Variants in DPH6 observed in about 807,000 individuals in gnomAD.
DPH6 encodes the protein diphthine--ammonia ligase.
A neutral mutation model predicts 38.2 loss-of-function variants in DPH6; 33 were observed. The ratio of observed to expected loss-of-function variants is 0.86; its 90% CI spans 0.65 to 1.15. DPH6 has a LOEUF of 1.15. DPH6 is among the 50% of genes most tolerant of loss of function. The pLI is 0.00. For missense variants in DPH6, 325 were observed against 320.0 expected, an observed-to-expected ratio of 1.02 and a Z score of -0.12; for synonymous variants, 108 against 103.0, an observed-to-expected ratio of 1.05 and a Z score of -0.30.
intron 3 of DPH6, among the ~76,000 whole-genome samples, chr15:35,472,544 C>G (rs553495856): frequency 1.2e-4 from 19 of 152,220 alleles, no homozygotes; most frequent in Admixed American, 1.3e-4. Context: ...TTTAAGCTGA[C>G]TAAGCCCTCC....
chr15:35,545,932 A>T (rs1183236322), intron 1 of DPH6, among the ~76,000 whole-genome samples, 187 bp downstream of exon 1: 1 of 152,196 alleles, frequency 6.6e-6, no homozygotes, highest in Non-Finnish European at 1.5e-5. Context: ...GAGGCGCGCC[A>T]GCCAGGGGCC....
chr15:35,242,251 T>A (rs1024004586), intron 3 of DPH6, among the ~76,000 whole-genome samples: 4 of 143,078 alleles, frequency 2.8e-5, no homozygotes, highest in Non-Finnish European at 6.1e-5. Context: ...GCTGATCGTG[T>A]CCAGCTGATC....
chr15:35,191,587 C>T, the DPH6 span, among the ~76,000 whole-genome samples: 1 of 152,128 alleles, frequency 6.6e-6, no homozygotes, highest in Non-Finnish European at 1.5e-5. Context: ...CCTATGAAGC[C>T]CTTCCTGACA....
intron 3 of DPH6, among the ~76,000 whole-genome samples, chr15:35,265,554 C>T (rs961018891): frequency 6.6e-6 from 1 of 152,170 alleles, no homozygotes; most frequent in African/African-American, 2.4e-5. Context: ...TGCAAGAGTC[C>T]TCCTCTGCTA....
At chr15:35,210,147 T>A in the DPH6 span, among the ~76,000 whole-genome samples, 1 of 152,118 alleles carries the variant, frequency 6.6e-6, no homozygotes, top group South Asian at 2.1e-4. Flanking sequence ...CCAGGGCAAT[T>A]TGCCCAGTAA....
At chr15:35,472,124 A>G (rs1366246175) in intron 3 of DPH6, among the ~76,000 whole-genome samples, 3 of 152,214 alleles carry the variant, frequency 2.0e-5, no homozygotes, top group Non-Finnish European at 4.4e-5. Flanking sequence ...AATAAAGTTG[A>G]ACTTTATAAG....
the DPH6 span, among the ~76,000 whole-genome samples, chr15:35,208,206 G>A: frequency 6.6e-6 from 1 of 152,134 alleles, no homozygotes; most frequent in East Asian, 1.9e-4. Context: ...AGTCCCTGGA[G>A]GTGGTGGCGG....
the DPH6 span, among the ~76,000 whole-genome samples, chr15:35,188,927 G>A: frequency 4.6e-5 from 7 of 151,934 alleles, no homozygotes; most frequent in African/African-American, 7.3e-5. Flanking sequence ...AAGAACTATT[G>A]CCCTGGTATT....
intron 3 of DPH6, among the ~76,000 whole-genome samples, chr15:35,233,328 G>A (rs1305552069): frequency 6.6e-6 from 1 of 152,026 alleles, no homozygotes; most frequent in Non-Finnish European, 1.5e-5. Flanking sequence ...ATAAATAAAT[G>A]AAGGGGTACT....
chr15:35,228,441 T>C (rs1263538063), intron 3 of DPH6, among the ~76,000 whole-genome samples: 3 of 152,300 alleles, frequency 2.0e-5, no homozygotes, highest in Non-Finnish European at 4.4e-5. Flanking sequence ...TTGTTTTGTT[T>C]TGTTTGGAGA....
At chr15:35,186,934 G>A in the DPH6 span, among the ~76,000 whole-genome samples, 1 of 152,132 alleles carries the variant, frequency 6.6e-6, no homozygotes, top group Admixed American at 6.6e-5. Context: ...AAAATGTAAA[G>A]AATAGTATGA....
chr15:35,492,461 T>G (rs1443139861), intron 3 of DPH6, among the ~76,000 whole-genome samples: 1 of 152,146 alleles, frequency 6.6e-6, no homozygotes, highest in Middle Eastern at 3.2e-3. Flanking sequence ...ATCATATAAG[T>G]GCTAGAAGGT....
the DPH6 span, among the ~76,000 whole-genome samples, chr15:35,184,044 A>T: frequency 6.6e-6 from 1 of 152,258 alleles, no homozygotes; most frequent in Non-Finnish European, 1.5e-5. Flanking sequence ...GACATAATTT[A>T]TTCAGAAAAA....
chr15:35,308,436 C>T (rs954692489), intron 3 of DPH6, among the ~76,000 whole-genome samples: 1 of 151,964 alleles, frequency 6.6e-6, no homozygotes, highest in African/African-American at 2.4e-5. Flanking sequence ...AAGTAACCCT[C>T]CCAAAACAAG....
chr15:35,369,592 CAAGAA>C, downstream of DPH6, among the ~76,000 whole-genome samples: 5 of 133,730 alleles, frequency 3.7e-5, no homozygotes, highest in Admixed American at 3.9e-4. Flanking sequence ...GAATTCACAC[CAAGAA>C]TACCACCTTA....
chr15:35,180,436 C>T, the DPH6 span, among the ~76,000 whole-genome samples: 12 of 145,616 alleles, frequency 8.2e-5, no homozygotes, highest in Non-Finnish European at 1.5e-4. Flanking sequence ...CACACACACA[C>T]ACACACACTT....
At chr15:35,523,327 A>G (rs1342683430) in intron 3 of DPH6, among the ~76,000 whole-genome samples, 1 of 148,324 alleles carries the variant, frequency 6.7e-6, no homozygotes, top group Non-Finnish European at 1.5e-5. Flanking sequence ...CTATTTGGAG[A>G]CATGCTTTTT....
chr15:35,314,032 T>C (rs559079219), intron 3 of DPH6, among the ~76,000 whole-genome samples: 6 of 151,962 alleles, frequency 3.9e-5, no homozygotes, highest in African/African-American at 1.4e-4. Context: ...GGAGAAAATA[T>C]TGCAACCTAT....
At chr15:35,364,901 T>A (rs1471510943) in intron 3 of DPH6, among the ~76,000 whole-genome samples, 1 of 152,088 alleles carries the variant, frequency 6.6e-6, no homozygotes, top group Non-Finnish European at 1.5e-5. Context: ...TCTAATTACA[T>A]GTATTTTTGA....
Sources: allele counts gnomAD v4.1 joint callset (sites outside exome capture counted in the v4.1 genomes callset), GRCh38; gene constraint gnomAD v4.1.1; transcripts MANE v1.5; gene names NCBI Gene and HGNC (gene_info 2026-07-23, HGNC 2026-07-21).